MAP4K3: variants seen among roughly 807,000 people sequenced by gnomAD.
MAP4K3 encodes the protein MAPK/ERK kinase kinase kinase 3.
In MAP4K3, 94 loss-of-function variants were observed where a neutral mutation model predicts 143.5. That is an observed-to-expected ratio of 0.65 (90% CI 0.55 to 0.78). The LOEUF is 0.78. Ranked by LOEUF, MAP4K3 falls within the 30% of genes least tolerant of loss-of-function variation. The pLI is 0.00. For missense variants in MAP4K3, 1,077 were observed against 1,068.1 expected (o/e 1.01, Z -0.12); for synonymous variants, 416 against 347.2 (o/e 1.20, Z -2.20).
intron 12 of MAP4K3, among the ~76,000 whole-genome samples, chr2:39,321,874 G>T (rs569929039): frequency 3.3e-3 from 502 of 152,340 alleles, no homozygotes; most frequent in African/African-American, 0.011. Context: ...CTGTTCACGT[G>T]TTTGTCTGCT....
intron 5 of MAP4K3, 113 bp downstream of exon 5, chr2:39,337,413 A>T: frequency 1.5e-6 from 1 of 666,636 alleles, no homozygotes; most frequent in Non-Finnish European, 2.6e-6. Context: ...AACTCATTTT[A>T]AGAGTTTACC....
In MAP4K3 at chr2:39,364,865, C is replaced by CAAAA. The variant is rs70957105; in HGVS notation, c.155-8530_155-8527dup. On this transcript the variant is annotated intron_variant, in intron 2 of 33. Transcript: ENST00000263881. ...TGGGCAACAGAGAGAAACTCTGTCT[C>CAAAA]AAAAAAAAAAAAAAAAAAAGATAAT... Among the ~76,000 whole-genome samples the CAAAA allele has an allele frequency of 2.2e-4, 25 of 114,706 alleles. 1 individual carries two copies. The highest frequency in any genetic ancestry group is 8.0e-4 in the African/African-American group (23 of 28,926). 75.3% of individuals were successfully genotyped at this position (114,706 alleles called of 152,430 possible).
chr2:39,329,726 G>A (rs189932677), intron 8 of MAP4K3, among the ~76,000 whole-genome samples: 35 of 152,294 alleles, frequency 2.3e-4, no homozygotes, highest in African/African-American at 8.2e-4. Flanking sequence ...GGAGTGAAGA[G>A]GTTAAAGGGA....
chr2:39,376,353 G>T (rs1342177894), intron 2 of MAP4K3, among the ~76,000 whole-genome samples: 1 of 152,172 alleles, frequency 6.6e-6, no homozygotes, highest in East Asian at 1.9e-4. Flanking sequence ...TTTTCTCTGG[G>T]TGGCAGAATA....
At chr2:39,413,767 C>T (rs983668573) in intron 1 of MAP4K3, among the ~76,000 whole-genome samples, 1 of 151,730 alleles carries the variant, frequency 6.6e-6, no homozygotes, top group South Asian at 2.1e-4. Flanking sequence ...TCTTGGCATA[C>T]AAGATGCCCA....
rs534000912 is a variant in MAP4K3 at position 39,298,427 on chromosome 2, A to C, written c.1178+1316T>G. 9.4e-4 allele frequency among the ~76,000 whole-genome samples: 143 copies of C among 152,302 alleles called. 1 individual carries two copies. Among genetic ancestry groups the C allele is most frequent in the African/African-American group, 3.1e-3 (128 of 41,580 alleles). ...TAGTATTTAACTGAAGTTCAGCTTA[A>C]ATAAAAACTAATATATTTCTCCAGA... is the stretch of plus-strand genomic sequence containing the variant. On this transcript the variant is annotated intron_variant, in intron 16 of 33. Transcript: ENST00000263881.
intron 2 of MAP4K3, among the ~76,000 whole-genome samples, chr2:39,357,864 C>A (rs969752639): frequency 7.2e-5 from 11 of 152,160 alleles, no homozygotes; most frequent in African/African-American, 2.7e-4. Context: ...TTTAGTCAAT[C>A]TAGTGAAAGA....
At chr2:39,280,153 T>A in intron 23 of MAP4K3, 119 bp downstream of exon 23, 6 of 547,146 alleles carry the variant, frequency 1.1e-5, no homozygotes, top group South Asian at 8.2e-5. Flanking sequence ...AAAAAAAAAA[T>A]TATAACAAAA....
intron 1 of MAP4K3, among the ~76,000 whole-genome samples, chr2:39,426,150 T>C (rs559787785): frequency 7.9e-5 from 12 of 152,268 alleles, no homozygotes; most frequent in African/African-American, 2.9e-4. Flanking sequence ...CCTGATACGA[T>C]TCACTGAGGA....
chr2:39,270,717 T>A lies in MAP4K3; in HGVS notation c.1973+1566A>T, dbSNP rs143036775. ...ATTACAATATGGTACAATGAGTACC[T>A]ATCTTCAGAATGAGAACCATGAGGC... On this transcript the variant is annotated intron_variant, in intron 26 of 33. Coordinates refer to ENST00000263881, the MANE Select transcript of MAP4K3 (RefSeq NM_003618.4). Among the ~76,000 whole-genome samples, 713 of 152,318 alleles carry A rather than the reference T, an allele frequency of 4.7e-3. 11 individuals are homozygous for A. Among genetic ancestry groups the A allele is most frequent in the African/African-American group, 0.016 (681 of 41,574 alleles).
chr2:39,353,646 T>C (rs144739603), intron 3 of MAP4K3, among the ~76,000 whole-genome samples: 122 of 152,344 alleles, frequency 8.0e-4, no homozygotes, highest in Non-Finnish European at 8.2e-4. Flanking sequence ...AAATAATTTC[T>C]ACCACAGCTA....
intron 7 of MAP4K3, among the ~76,000 whole-genome samples, chr2:39,332,711 T>C (rs1683720763): frequency 6.6e-6 from 1 of 152,010 alleles, no homozygotes; most frequent in Non-Finnish European, 1.5e-5. Context: ...AATAGATAAC[T>C]AAAAAGAACA....
Position 39,309,502 on chromosome 2 carries a change from C to T in MAP4K3, c.1015G>A (p.Asp339Asn). 6.8e-7 allele frequency: 1 copy of T among 1,469,212 alleles called. No homozygotes were observed. The highest frequency in any genetic ancestry group is 9.2e-7 in the Non-Finnish European group (1 of 1,087,124). The allele number at this position is 1,469,212 out of a possible 1,614,324, so 91.0% of individuals were successfully genotyped here. A position where few individuals can be genotyped will look rare whatever the true frequency, so the allele number is the denominator to read the frequency against. ...TCTGTCTCCTTTCTTAAGGGTGGAT[C>T]AAATTTCACTTGGCCAACTAAAAAA... Reference protein sequence around the residue: ...SEITFGQVKFDPPLRKETEPH... With the variant: ...SEITFGQVKFNPPLRKETEPH... The change falls in exon 14 of 34, where the codon GAT (aspartate) becomes AAT (asparagine). Residue 339 changes from aspartate (D) to asparagine (N), a missense_variant. Asp to Asn is a conservative substitution (Grantham distance 23). Around this residue, in one of 2 missense-constraint regions of MAP4K3, gnomAD observed 864 missense variants for 801.2 expected, o/e 1.08. Coordinates refer to ENST00000263881, the MANE Select transcript of MAP4K3 (RefSeq NM_003618.4).
chr2:39,404,685 G>A (rs917448412), intron 1 of MAP4K3, among the ~76,000 whole-genome samples: 1 of 138,008 alleles, frequency 7.2e-6, no homozygotes, highest in Non-Finnish European at 1.5e-5. Flanking sequence ...GCAACGGCAC[G>A]ATCTCGGCTG....
intron 4 of MAP4K3, among the ~76,000 whole-genome samples, chr2:39,341,381 G>A (rs912596680): frequency 2.0e-5 from 3 of 152,144 alleles, no homozygotes; most frequent in South Asian, 2.1e-4. Flanking sequence ...TCAGGAGGCC[G>A]GGCGTGGTAG....
intron 19 of MAP4K3, among the ~76,000 whole-genome samples, chr2:39,288,943 T>C (rs1413222178): frequency 3.9e-5 from 6 of 152,108 alleles, no homozygotes; most frequent in African/African-American, 1.2e-4. Context: ...TCCCAGCTAC[T>C]CAGGAGGCTG....
intron 3 of MAP4K3, among the ~76,000 whole-genome samples, chr2:39,353,074 A>AT (rs1247213889): frequency 4.6e-5 from 7 of 152,330 alleles, no homozygotes; most frequent in African/African-American, 1.7e-4. Context: ...GCAATACAGT[A>AT]TGCCAAAAAA....
intron 2 of MAP4K3, among the ~76,000 whole-genome samples, chr2:39,372,368 G>C (rs980112260): frequency 6.6e-6 from 1 of 151,056 alleles, no homozygotes; most frequent in Non-Finnish European, 1.5e-5. Flanking sequence ...CTACCCAAAA[G>C]AATCTAAGGA....
intron 4 of MAP4K3, 135 bp downstream of exon 4, chr2:39,343,253 C>G (rs557061404): frequency 7.9e-5 from 42 of 533,636 alleles, no homozygotes; most frequent in African/African-American, 6.0e-4. Flanking sequence ...TCTAAAATAC[C>G]TTTATATAGC....
Sources: gnomAD v4.1 joint callset for allele counts (sites outside exome capture counted in the v4.1 genomes callset) on GRCh38, gnomAD v4.1.1 for gene constraint, gnomAD v4.1.1 regional missense constraint, MANE v1.5 for transcripts, NCBI Gene and HGNC (gene_info 2026-07-23, HGNC 2026-07-21) for gene names.